CRAMP1: variants seen among roughly 807,000 people sequenced by gnomAD.
The protein encoded by CRAMP1 is protein cramped-like.
A neutral mutation model predicts 115.4 loss-of-function variants in CRAMP1; 50 were observed. The ratio of observed to expected loss-of-function variants is 0.43; its 90% CI spans 0.35 to 0.55. The LOEUF (loss-of-function observed/expected upper bound fraction) is 0.55. Among genes scored for constraint, CRAMP1 ranks in the 20% least tolerant of loss-of-function variants. The pLI is 0.01. For missense variants in CRAMP1, 1,679 were observed against 1,721.7 expected (o/e 0.98, Z 0.44); for synonymous variants, 866 against 745.4 (o/e 1.16, Z -2.64).
Position 1,655,340 on chromosome 16 carries a change from T to TG in CRAMP1, c.1119+41dup, listed in dbSNP as rs369309486. On this transcript the variant is annotated intron_variant, in intron 9 of 20. Transcript: ENST00000397412. ...CTAAAGCAAACCATCCAGGCTGCGCTGCCTCTGCTGCCCAGAGATGGACCA... is the reference window on the plus strand; with the variant it reads ...CTAAAGCAAACCATCCAGGCTGCGCTGGCCTCTGCTGCCCAGAGATGGACCA... 2.1e-5 allele frequency: 32 copies of TG among 1,513,672 alleles called. No homozygotes were observed. The African/African-American group carries it at 3.7e-4, about 17-fold the overall frequency. The allele number at this position is 1,513,672 out of a possible 1,614,324, so 93.8% of individuals were successfully genotyped here. A position where few individuals can be genotyped will look rare whatever the true frequency, so the allele number is the denominator to read the frequency against.
At chr16:1,654,177 C>T (rs1235833682) in intron 8 of CRAMP1, among the ~76,000 whole-genome samples, 4 of 149,510 alleles carry the variant, frequency 2.7e-5, no homozygotes, top group African/African-American at 7.3e-5. Flanking sequence ...AGGTAAAATT[C>T]ACATATCATA....
rs369619312 is a variant in CRAMP1 at position 1,669,691 on chromosome 16, G to A, written c.3499+526G>A. 6.6e-6 allele frequency among the ~76,000 whole-genome samples: 1 copy of A among 152,220 alleles called. No homozygotes were observed. The highest frequency in any genetic ancestry group is 2.1e-4 in the South Asian group (1 of 4,836). ...CCCGTTTGCCCACTGGGTAGCAAGT[G>A]TGGCAGGAAGGGGGTGTATCAGGGA... On this transcript the variant is annotated intron_variant, in intron 19 of 20. Coordinates refer to ENST00000397412, the MANE Select transcript of CRAMP1 (RefSeq NM_020825.4). The surrounding 1 kb of genome is among the most constrained non-coding windows in gnomAD (Gnocchi z 4.6).
chr16:1,672,254 G>T lies in CRAMP1; in HGVS notation c.3645+1445G>T, dbSNP rs2036928767. ...CACTTGGGAGTGAGTAGCAGAGAAA[G>T]GGTGCAGTTAGTATTTGTGAAACGC... On this transcript the variant is annotated intron_variant, in intron 20 of 20. Transcript: ENST00000397412. The surrounding 1 kb of genome is among the most constrained non-coding windows in gnomAD (Gnocchi z 4.9). Among the ~76,000 whole-genome samples, 3 of 152,248 alleles carry T rather than the reference G, an allele frequency of 2.0e-5. No homozygotes were observed. Among genetic ancestry groups the T allele is most frequent in the African/African-American group, 4.8e-5 (2 of 41,462 alleles).
At chr16:1,636,520 G>A (rs2036589866) in intron 4 of CRAMP1, among the ~76,000 whole-genome samples, 1 of 152,194 alleles carries the variant, frequency 6.6e-6, no homozygotes, top group Non-Finnish European at 1.5e-5. Context: ...TATCTTGAAA[G>A]CCTGCTTCTC....
chr16:1,667,711 C>T (rs1031016236), intron 17 of CRAMP1, among the ~76,000 whole-genome samples: 5 of 152,224 alleles, frequency 3.3e-5, no homozygotes, highest in East Asian at 3.8e-4. Context: ...CCCCCAGCCC[C>T]CACTCTCTTT....
rs1355820028 is a variant in CRAMP1, at chr16:1,614,311, C to G, written c.-1-328C>G. Among the ~76,000 whole-genome samples the G allele has an allele frequency of 6.9e-6, 1 of 144,170 alleles. No homozygotes were observed. Among genetic ancestry groups the G allele is most frequent in the African/African-American group, 2.5e-5 (1 of 39,972 alleles). 94.6% of individuals were successfully genotyped at this position (144,170 alleles called of 152,430 possible). ...CGCCCGCGCCGGGGCTCCCATAGAC[C>G]CCGGGGCCGGGGCCGGGGCCGGGGC... On this transcript the variant is annotated intron_variant, in intron 1 of 20. Transcript: ENST00000397412. This position sits in a 1 kb window ranked among gnomAD's most constrained non-coding sequence, Gnocchi z 4.4.
chr16:1,675,726 G>A lies in CRAMP1; in HGVS notation c.*1681G>A, dbSNP rs573262289. ...CAAGAGCTTCCTTCTTTTGTCTCAC[G>A]AGTTTTTCTTAGAGCTCTTGCCTGA... On this transcript the variant is annotated 3_prime_UTR_variant, in exon 21 of 21. Coordinates refer to ENST00000397412, the MANE Select transcript of CRAMP1 (RefSeq NM_020825.4). The A allele has an allele frequency of 3.5e-4, 53 of 152,372 alleles. No individual in the cohort carries two copies. The highest frequency in any genetic ancestry group is 1.2e-3 in the African/African-American group (50 of 41,572). The allele number at this position is 152,372 out of a possible 1,614,324, so 9.4% of individuals were successfully genotyped here. A position where few individuals can be genotyped will look rare whatever the true frequency, so the allele number is the denominator to read the frequency against.
chr16:1,659,992 G>A lies in CRAMP1; in HGVS notation c.2342G>A (p.Arg781His), dbSNP rs770641600. The A allele has an allele frequency of 3.1e-6, 5 of 1,605,500 alleles. No homozygotes were observed. Among genetic ancestry groups the A allele is most frequent in the Admixed American group, 3.3e-5 (2 of 59,954 alleles). Residue 781 changes from arginine (R) to histidine (H), a missense_variant, in exon 11 of 21, where the codon CGC becomes CAC. This residue lies in a region of CRAMP1 where 709 missense variants were observed against 741.9 expected (regional missense o/e 0.96). Coordinates refer to ENST00000397412, the MANE Select transcript of CRAMP1 (RefSeq NM_020825.4). ...KVVTVSSRSP[R>H]CPRNQASLRS... Reference sequence around the variant, plus strand: ...GTGACCGTCAGCTCTCGCAGCCCCCGCTGCCCTCGGAACCAGGCCTCCCTC... The same window carrying A: ...GTGACCGTCAGCTCTCGCAGCCCCCACTGCCCTCGGAACCAGGCCTCCCTC...
intron 2 of CRAMP1, among the ~76,000 whole-genome samples, chr16:1,616,402 T>C (rs1462434570): frequency 1.3e-5 from 2 of 152,202 alleles, no homozygotes; most frequent in Non-Finnish European, 2.9e-5. Flanking sequence ...TTCTGTCGGG[T>C]GTCCTCACCT....
intron 3 of CRAMP1, among the ~76,000 whole-genome samples, chr16:1,627,199 G>A (rs145639779): frequency 7.3e-5 from 11 of 151,708 alleles, no homozygotes; most frequent in Admixed American, 3.3e-4. Flanking sequence ...AGGCTGGAGC[G>A]CAGTGGTGCA....
intron 2 of CRAMP1, 68 bp from the exon 3 acceptor site, chr16:1,625,905 C>G (rs142546777): frequency 6.8e-7 from 1 of 1,465,482 alleles, no homozygotes; most frequent in Admixed American, 2.0e-5. Flanking sequence ...TCCCTCCCAC[C>G]GGCCCTCTAC....
At chr16:1,633,411 G>T (rs187030641) in intron 4 of CRAMP1, among the ~76,000 whole-genome samples, 1 of 152,266 alleles carries the variant, frequency 6.6e-6, no homozygotes, top group South Asian at 2.1e-4. Flanking sequence ...CCATGGAAAC[G>T]GCTGTTGGTC....
At chr16:1,662,410 T>G in intron 11 of CRAMP1, 80 bp from the exon 12 acceptor site, 1 of 1,197,086 alleles carries the variant, frequency 8.4e-7, no homozygotes, top group Non-Finnish European at 1.2e-6. Flanking sequence ...TTTCTGACTT[T>G]CTTCCCAACG....
At chr16:1,663,873 C>T (rs1472042294) in intron 13 of CRAMP1, among the ~76,000 whole-genome samples, 2 of 152,224 alleles carry the variant, frequency 1.3e-5, no homozygotes, top group African/African-American at 4.8e-5. Context: ...TACTGGCACA[C>T]AGCCGTGATT....
At chr16:1,668,905 G>C (rs985329785) in intron 18 of CRAMP1, 96 bp from the exon 19 acceptor site, 1 of 1,169,788 alleles carries the variant, frequency 8.5e-7, no homozygotes. Flanking sequence ...GTAGAGCCCT[G>C]CGGCCCTGCT....
rs1214388794 is a variant in CRAMP1, at chr16:1,656,352, A to G, written c.1595A>G (p.Asp532Gly). The G allele has an allele frequency of 7.5e-6, 12 of 1,606,914 alleles. No individual in the cohort carries two copies. Among genetic ancestry groups the G allele is most frequent in the Non-Finnish European group, 9.3e-6 (11 of 1,177,242 alleles). ...CLEKTPAEGR[D>G]SPTREPGALP... The stretch of plus-strand genomic sequence containing the variant: ...GAGAAGACCCCTGCAGAAGGCAGGG[A>G]CAGTCCCACCCGGGAGCCAGGGGCC... Residue 532 changes from aspartate (D) to glycine (G), a missense_variant, in exon 10 of 21, where the codon GAC becomes GGC. Physicochemically the swap from Asp to Gly is moderately conservative, Grantham distance 94. This residue lies in a region of CRAMP1 where 405 missense variants were observed against 302.6 expected (regional missense o/e 1.34). Transcript: ENST00000397412. This position sits in a 1 kb window ranked among gnomAD's most constrained non-coding sequence, Gnocchi z 5.6.
At chr16:1,657,931 T>A (rs1159388908) in intron 10 of CRAMP1, among the ~76,000 whole-genome samples, 1 of 152,166 alleles carries the variant, frequency 6.6e-6, no homozygotes, top group Non-Finnish European at 1.5e-5. Flanking sequence ...CGCTGTTTCA[T>A]GGTCAGAATG....
chr16:1,626,213 C>A (rs751645375), intron 3 of CRAMP1, 47 bp downstream of exon 3: 2 of 1,414,672 alleles, frequency 1.4e-6, no homozygotes, highest in Non-Finnish European at 1.9e-6. Context: ...GCGTCCCTCT[C>A]GGATCCCTGC....
rs776911598 is a variant in CRAMP1, at chr16:1,656,417, G to A, written c.1660G>A (p.Glu554Lys). The change falls in exon 10 of 21, where the codon GAG becomes AAG. Residue 554 changes from glutamate to lysine, a missense_variant. Around this residue, in one of 8 missense-constraint regions of CRAMP1, gnomAD observed 405 missense variants for 302.6 expected, o/e 1.34. Coordinates refer to ENST00000397412, the MANE Select transcript of CRAMP1 (RefSeq NM_020825.4). The surrounding 1 kb of genome is among the most constrained non-coding windows in gnomAD (Gnocchi z 5.6). ...ACGQLPDLED[E>K]LSLLDPLPRY... ...TGGCCAGCTCCCAGACCTGGAGGAC[G>A]AGCTCTCGCTTCTAGACCCCTTGCC... 2.1e-5 allele frequency: 33 copies of A among 1,588,432 alleles called. No homozygotes were observed. Among genetic ancestry groups the A allele is most frequent in the Non-Finnish European group, 2.6e-5 (30 of 1,167,776 alleles).
Sources: allele counts gnomAD v4.1 joint callset (sites outside exome capture counted in the v4.1 genomes callset), GRCh38; gene constraint gnomAD v4.1.1; regional missense constraint gnomAD v4.1.1; non-coding constraint Gnocchi (gnomAD v3.1); transcripts MANE v1.5; gene names NCBI Gene and HGNC (gene_info 2026-07-23, HGNC 2026-07-21).